The following FGF14 variants were observed in gnomAD, a reference collection of about 807,000 sequenced individuals.
The protein encoded by FGF14 is fibroblast growth factor homologous factor 4.
Under a neutral mutation model 25.5 loss-of-function variants are expected in FGF14, and 5 were observed. That is an observed-to-expected ratio of 0.20 (90% CI 0.10 to 0.41). The LOEUF (loss-of-function observed/expected upper bound fraction) is 0.41, where lower values mean the gene tolerates loss of function less well. Ranked by LOEUF, FGF14 falls within the 10% of genes least tolerant of loss-of-function variation. The pLI, the probability that FGF14 is intolerant of heterozygous loss-of-function variation, is 1.00. For synonymous variants in FGF14, 138 were observed against 118.3 expected, an observed-to-expected ratio of 1.17 and a Z score of -1.08; for missense variants, 222 against 320.1, an observed-to-expected ratio of 0.69 and a Z score of 2.34.
At chr13:102,029,492 GCAT>G (rs1213281165) in intron 1 of FGF14, among the ~76,000 whole-genome samples, 1 of 151,990 alleles carries the variant, frequency 6.6e-6, no homozygotes, top group East Asian at 1.9e-4. Context: ...AGCCAGTATA[GCAT>G]CATGTGTGTA....
intron 1 of FGF14, chr13:102,394,934 A>G (rs2058541216): frequency 6.6e-6 from 1 of 152,512 alleles, no homozygotes; most frequent in Admixed American, 6.5e-5. Context: ...CTGGGCCCAG[A>G]GCCGTGGCTT....
At chr13:101,904,017 T>C (rs991232522) in intron 1 of FGF14, among the ~76,000 whole-genome samples, 8 of 152,202 alleles carry the variant, frequency 5.3e-5, no homozygotes, top group Admixed American at 3.9e-4. Flanking sequence ...GGCAAAGGAA[T>C]ACACTACTGT....
At chr13:102,046,863 C>A (rs569263037) in intron 1 of FGF14, among the ~76,000 whole-genome samples, 1 of 152,204 alleles carries the variant, frequency 6.6e-6, no homozygotes, top group East Asian at 1.9e-4. Flanking sequence ...ATAAATGTTG[C>A]TATTCCAATA....
chr13:102,252,524 C>T (rs1021443796), intron 1 of FGF14, among the ~76,000 whole-genome samples: 2 of 152,144 alleles, frequency 1.3e-5, no homozygotes, highest in African/African-American at 4.8e-5. Context: ...ATAGTATTTG[C>T]ATATAACCTT....
intron 3 of FGF14, among the ~76,000 whole-genome samples, chr13:101,812,592 T>A: frequency 7.5e-6 from 1 of 133,548 alleles, no homozygotes; most frequent in African/African-American, 2.7e-5. Flanking sequence ...TATATCACTA[T>A]TTTTTTATAT....
At chr13:102,346,896 C>A (rs911881506) in intron 1 of FGF14, among the ~76,000 whole-genome samples, 8 of 152,124 alleles carry the variant, frequency 5.3e-5, no homozygotes, top group Non-Finnish European at 8.8e-5. Context: ...ATCATTAAAG[C>A]AGTTCTGTTG....
At chr13:101,934,937 G>A (rs541759923) in intron 1 of FGF14, among the ~76,000 whole-genome samples, 187 of 152,136 alleles carry the variant, frequency 1.2e-3, no homozygotes, top group African/African-American at 4.0e-3. Context: ...AGATTTTCAC[G>A]TGTATAATAC....
At chr13:101,971,390 G>C (rs867490785) in intron 1 of FGF14, among the ~76,000 whole-genome samples, 1 of 125,542 alleles carries the variant, frequency 8.0e-6, no homozygotes, top group African/African-American at 3.1e-5. Flanking sequence ...TTTTTTTTTT[G>C]AAATGGGTCT....
chr13:101,953,705 C>G (rs969470488), intron 1 of FGF14, among the ~76,000 whole-genome samples: 3 of 151,762 alleles, frequency 2.0e-5, no homozygotes, highest in African/African-American at 7.3e-5. Flanking sequence ...ATTCTCCTGC[C>G]TCAGCCTCCC....
intron 2 of FGF14, among the ~76,000 whole-genome samples, chr13:101,873,661 A>T (rs2045235816): frequency 6.6e-6 from 1 of 152,148 alleles, no homozygotes; most frequent in African/African-American, 2.4e-5. Flanking sequence ...AGGGGAAAAG[A>T]AACTGAGCAG....
chr13:101,788,544 T>C (rs560028646), intron 3 of FGF14, among the ~76,000 whole-genome samples: 20 of 152,188 alleles, frequency 1.3e-4, no homozygotes, highest in African/African-American at 4.6e-4. Flanking sequence ...GGAAGCATGT[T>C]GTTGTAAGAG....
intron 1 of FGF14, among the ~76,000 whole-genome samples, chr13:101,908,772 C>T (rs947583637): frequency 3.3e-5 from 5 of 152,228 alleles, no homozygotes; most frequent in South Asian, 2.1e-4. Flanking sequence ...AAAAAGAGCC[C>T]GCATTGCTAA....
intron 1 of FGF14, among the ~76,000 whole-genome samples, chr13:102,272,701 A>C (rs2053310030): frequency 6.6e-6 from 1 of 152,144 alleles, no homozygotes; most frequent in Non-Finnish European, 1.5e-5. Flanking sequence ...ACAGATAGGA[A>C]AACTGAGACA....
rs114300854 is a variant in FGF14 at position 102,392,096 on chromosome 13, C to T, written c.208+9375G>A. 8.4e-3 allele frequency among the ~76,000 whole-genome samples: 1,282 copies of T among 152,314 alleles called. 15 individuals are homozygous for T. Among genetic ancestry groups the T allele is most frequent in the African/African-American group, 0.029 (1,223 of 41,560 alleles). ...CCTCCCAAGCTACACCTTTAAGATG[C>T]AGCATTACAGATAAGGTTACCACAC... On this transcript the variant is annotated intron_variant, in intron 1 of 4. Coordinates refer to the FGF14 transcript ENST00000376131.
At chr13:101,912,831 T>C (rs1476085422) in intron 1 of FGF14, among the ~76,000 whole-genome samples, 2 of 152,146 alleles carry the variant, frequency 1.3e-5, no homozygotes, top group Non-Finnish European at 2.9e-5. Flanking sequence ...TACTTTCTTT[T>C]TTAGCTTGGG....
intron 1 of FGF14, among the ~76,000 whole-genome samples, chr13:102,272,667 A>G (rs1341187069): frequency 6.6e-6 from 1 of 152,176 alleles, no homozygotes; most frequent in Admixed American, 6.5e-5. Flanking sequence ...TAGAAATGGT[A>G]GTCATTGTCA....
rs1286442466 is a variant in FGF14 at position 101,720,609 on chromosome 13, A to G, written c.*2222T>C. 6.6e-6 allele frequency: 1 copy of G among 151,588 alleles called. No homozygotes were observed. The highest frequency in any genetic ancestry group is 1.5e-5 in the Non-Finnish European group (1 of 67,946). 9.4% of individuals were successfully genotyped at this position (151,588 alleles called of 1,614,324 possible). A position where few individuals can be genotyped will look rare whatever the true frequency, so the allele number is the denominator to read the frequency against. ...GAAGTGAAGTGTTGCTGCTGTAAGT[A>G]GTGTCCATAAGCCCATTTGACTGTA... On this transcript the variant is annotated 3_prime_UTR_variant, in exon 5 of 5. Coordinates refer to ENST00000376143, the MANE Select transcript of FGF14 (RefSeq NM_004115.4).
chr13:101,829,201 C>G (rs1345363485), intron 3 of FGF14, among the ~76,000 whole-genome samples: 2 of 152,086 alleles, frequency 1.3e-5, no homozygotes, highest in Non-Finnish European at 2.9e-5. Flanking sequence ...AAGAAACCAG[C>G]TAGCTCACAG....
chr13:102,243,519 A>G (rs1232432241), intron 1 of FGF14, among the ~76,000 whole-genome samples: 1 of 152,096 alleles, frequency 6.6e-6, no homozygotes, highest in Non-Finnish European at 1.5e-5. Flanking sequence ...ACAACAAAAA[A>G]ACTAATTTTC....
Sources: allele counts gnomAD v4.1 joint callset (sites outside exome capture counted in the v4.1 genomes callset), GRCh38; gene constraint gnomAD v4.1.1; transcripts MANE v1.5; gene names NCBI Gene and HGNC (gene_info 2026-07-23, HGNC 2026-07-21).